TRIM24: variants seen among roughly 807,000 people sequenced by gnomAD.
The protein encoded by TRIM24 is transcription intermediary factor 1-alpha.
In TRIM24, 29 loss-of-function variants were observed where a neutral mutation model predicts 123.9. That is an observed-to-expected ratio of 0.23 (90% CI 0.17 to 0.32). The LOEUF (loss-of-function observed/expected upper bound fraction) is 0.32. Among genes scored for constraint, TRIM24 ranks in the 10% least tolerant of loss-of-function variants. The pLI is 1.00. For synonymous variants in TRIM24, 456 were observed against 461.1 expected (o/e 0.99, Z 0.14); for missense variants, 932 against 1,295.3 (o/e 0.72, Z 4.31).
intron 1 of TRIM24, among the ~76,000 whole-genome samples, chr7:138,503,706 A>G (rs1191305971): frequency 1.3e-5 from 2 of 151,658 alleles, no homozygotes; most frequent in Non-Finnish European, 2.9e-5. Flanking sequence ...TACATGTGCC[A>G]TGTTGGTGTG....
chr7:138,531,435 T>A (rs189865396), intron 6 of TRIM24, among the ~76,000 whole-genome samples: 17 of 150,600 alleles, frequency 1.1e-4, no homozygotes, highest in Admixed American at 9.3e-4. Flanking sequence ...TTCTCATTGT[T>A]CAATTCCCAC....
At chr7:138,524,157 A>G (rs1796562425) in intron 4 of TRIM24, among the ~76,000 whole-genome samples, 1 of 152,226 alleles carries the variant, frequency 6.6e-6, no homozygotes, top group Non-Finnish European at 1.5e-5. Context: ...AGCAGTAGAA[A>G]CATTCCATAA....
At chr7:138,464,477 G>A (rs1361905282) in intron 1 of TRIM24, among the ~76,000 whole-genome samples, 2 of 152,002 alleles carry the variant, frequency 1.3e-5, no homozygotes, top group East Asian at 1.9e-4. Context: ...AAATGATGGG[G>A]AGTACAAGCA....
At chr7:138,562,278 G>A (rs994682378) in intron 9 of TRIM24, among the ~76,000 whole-genome samples, 1 of 152,128 alleles carries the variant, frequency 6.6e-6, no homozygotes, top group Non-Finnish European at 1.5e-5. Flanking sequence ...GGTGAACTGC[G>A]ACTCGCCCCA....
At chr7:138,535,396 G>A (rs997507649) in intron 6 of TRIM24, among the ~76,000 whole-genome samples, 3 of 152,240 alleles carry the variant, frequency 2.0e-5, no homozygotes, top group Non-Finnish European at 2.9e-5. Flanking sequence ...CAGGAGCTCT[G>A]GTATGGCAGG....
chr7:138,532,537 A>G (rs1306820722), intron 6 of TRIM24, among the ~76,000 whole-genome samples: 1 of 151,850 alleles, frequency 6.6e-6, no homozygotes, highest in Non-Finnish European at 1.5e-5. Context: ...GATGTGTGCT[A>G]TTTCTGAGGG....
chr7:138,562,825 G>A (rs774289178), intron 9 of TRIM24, among the ~76,000 whole-genome samples: 1 of 152,158 alleles, frequency 6.6e-6, no homozygotes, highest in Non-Finnish European at 1.5e-5. Flanking sequence ...GACGGTAAGG[G>A]TTAACACCAT....
At chr7:138,539,656 A>C (rs1347213371) in intron 7 of TRIM24, among the ~76,000 whole-genome samples, 1 of 152,164 alleles carries the variant, frequency 6.6e-6, no homozygotes, top group Admixed American at 6.5e-5. Flanking sequence ...TATCGCAGTA[A>C]AGCAAATATC....
chr7:138,537,379 GTTTTT>G (rs71177994), intron 6 of TRIM24, among the ~76,000 whole-genome samples: 1 of 56,642 alleles, frequency 1.8e-5, no homozygotes. Flanking sequence ...ACCCCTGTTT[GTTTTT>G]TTTTTTTTTT....
chr7:138,510,285 A>G (rs1160175449), intron 2 of TRIM24, among the ~76,000 whole-genome samples: 1 of 152,232 alleles, frequency 6.6e-6, no homozygotes, highest in African/African-American at 2.4e-5. Flanking sequence ...TTTATACTAG[A>G]GTGGAGTTGG....
chr7:138,567,439 G>C, intron 9 of TRIM24, 42 bp from the exon 10 acceptor site: 1 of 1,554,670 alleles, frequency 6.4e-7, no homozygotes, highest in Non-Finnish European at 8.7e-7. Context: ...TTGTTTTTCA[G>C]AAGAAGATTG....
chr7:138,486,304 G>T (rs1330696572), intron 1 of TRIM24, among the ~76,000 whole-genome samples: 1 of 152,030 alleles, frequency 6.6e-6, no homozygotes, highest in Non-Finnish European at 1.5e-5. Context: ...CACTCTAATG[G>T]CAGTTTCTTT....
Position 138,498,910 on chromosome 7 carries a change from A to G in TRIM24, c.365-5380A>G, listed in dbSNP as rs368465286. Among the ~76,000 whole-genome samples the G allele has an allele frequency of 1.2e-3, 177 of 152,208 alleles. 3 individuals carry two copies. In the South Asian group the frequency reaches 0.035, roughly 30 times the overall value. On this transcript the variant is annotated intron_variant, in intron 1 of 18. Coordinates refer to ENST00000343526, the MANE Select transcript of TRIM24 (RefSeq NM_015905.3). The stretch of plus-strand genomic sequence containing the variant: ...TGGCCTCCCAAAGTGTTGGGATTAC[A>G]GGTGTGAGCCACCATGCCTGGCCTG...
rs60386130 is a variant in TRIM24 at position 138,568,379 on chromosome 7, CTTTTTTTTTT to C, written c.1704+746_1704+755del. On this transcript the variant is annotated intron_variant, in intron 10 of 18. Coordinates refer to ENST00000343526, the MANE Select transcript of TRIM24 (RefSeq NM_015905.3). The stretch of plus-strand genomic sequence containing the variant: ...CTCGTAAGCCACCGTACCTGGCCTC[CTTTTTTTTTT>C]TTTTTTTTTTTTTTTTTTTTAAAGT... Among the ~76,000 whole-genome samples, 21 of 68,706 alleles carry C rather than the reference CTTTTTTTTTT, an allele frequency of 3.1e-4. No individual in the cohort carries two copies. The East Asian group carries it at 8.1e-3, about 26-fold the overall frequency. 45.1% of individuals were successfully genotyped at this position (68,706 alleles called of 152,430 possible).
chr7:138,576,511 T>C (rs939563450), intron 13 of TRIM24, 66 bp downstream of exon 13: 1 of 1,436,738 alleles, frequency 7.0e-7, no homozygotes, highest in Non-Finnish European at 9.8e-7. Flanking sequence ...TTGCCAGTGT[T>C]CAACATGTTT....
intron 14 of TRIM24, 102 bp from the exon 15 acceptor site, chr7:138,579,102 G>T: frequency 1.1e-6 from 1 of 930,184 alleles, no homozygotes. Flanking sequence ...AGATTCCTTT[G>T]AAGCAGCCAG....
intron 2 of TRIM24, among the ~76,000 whole-genome samples, chr7:138,505,812 C>T (rs975998451): frequency 6.6e-6 from 1 of 152,162 alleles, no homozygotes; most frequent in African/African-American, 2.4e-5. Flanking sequence ...TCTCTTTTGG[C>T]TTCTTAAATC....
intron 1 of TRIM24, among the ~76,000 whole-genome samples, chr7:138,494,258 A>AGG (rs1399863646): frequency 2.0e-5 from 3 of 151,978 alleles, no homozygotes; most frequent in African/African-American, 7.3e-5. Flanking sequence ...CTGGGATTAC[A>AGG]GGGGGCCGTG....
chr7:138,470,465 G>T (rs1795248046), intron 1 of TRIM24, among the ~76,000 whole-genome samples: 1 of 152,172 alleles, frequency 6.6e-6, no homozygotes. Context: ...AGGTTTATGG[G>T]TTTTAATATC....
Sources: allele counts gnomAD v4.1 joint callset (sites outside exome capture counted in the v4.1 genomes callset), GRCh38; gene constraint gnomAD v4.1.1; transcripts MANE v1.5; gene names NCBI Gene and HGNC (gene_info 2026-07-23, HGNC 2026-07-21).